The following HLCS variants were observed in gnomAD, a reference collection of about 807,000 sequenced individuals.
HLCS encodes the protein holocarboxylase synthetase.
HLCS carries 53 observed loss-of-function variants against 75.0 expected under a neutral mutation model. The ratio of observed to expected loss-of-function variants is 0.71; its 90% CI spans 0.57 to 0.89. The LOEUF is 0.89. HLCS is among the 40% of genes least tolerant of loss of function. The pLI, the probability that HLCS is intolerant of heterozygous loss-of-function variation, is 0.00. For missense variants in HLCS, 966 were observed against 1,074.0 expected, an observed-to-expected ratio of 0.90 and a Z score of 1.41; for synonymous variants, 431 against 428.6, an observed-to-expected ratio of 1.01 and a Z score of -0.07.
At chr21:36,764,917 A>G in intron 8 of HLCS, 95 bp downstream of exon 8, 2 of 1,374,516 alleles carry the variant, frequency 1.5e-6, no homozygotes, top group African/African-American at 1.4e-5. Flanking sequence ...CTGAGGTTCT[A>G]CAGCCACCAA....
chr21:36,938,369 AT>A (rs750125485), intron 3 of HLCS, among the ~76,000 whole-genome samples: 3 of 152,254 alleles, frequency 2.0e-5, no homozygotes, highest in Non-Finnish European at 2.9e-5. Context: ...CCCCAAAAAA[AT>A]CTTGACACAT....
chr21:36,838,476 C>G (rs999043192), intron 6 of HLCS, among the ~76,000 whole-genome samples: 1 of 152,074 alleles, frequency 6.6e-6, no homozygotes, highest in Admixed American at 6.5e-5. Context: ...GAGGCCGAGG[C>G]GGGCAGATCA....
chr21:36,811,008 A>G (rs1315526962), intron 6 of HLCS, among the ~76,000 whole-genome samples: 1 of 152,234 alleles, frequency 6.6e-6, no homozygotes, highest in Non-Finnish European at 1.5e-5. Flanking sequence ...GCTGATTGAG[A>G]GGAAAAGGAA....
rs540708521 is a variant in HLCS at position 36,842,254 on chromosome 21, C to A, written c.1892+54606G>T. On this transcript the variant is annotated intron_variant, in intron 6 of 10. Transcript: ENST00000674895. The surrounding 1 kb of genome is among the most constrained non-coding windows in gnomAD (Gnocchi z 4.2). ...ATAAAACCAGGCAAAACTAAGATAG[C>A]GTCAGAAATCAGGACAGTGTTCCCC... Among the ~76,000 whole-genome samples, 1 of 152,130 alleles carries A rather than the reference C, an allele frequency of 6.6e-6. No individual in the cohort carries two copies. The highest frequency in any genetic ancestry group is 6.5e-5 in the Admixed American group (1 of 15,284).
At chr21:36,856,395 C>G (rs2063194377) in intron 6 of HLCS, among the ~76,000 whole-genome samples, 1 of 152,160 alleles carries the variant, frequency 6.6e-6, no homozygotes, top group Non-Finnish European at 1.5e-5. Flanking sequence ...TATCAGAACA[C>G]TTCTGCTATT....
intron 6 of HLCS, among the ~76,000 whole-genome samples, chr21:36,817,882 G>C (rs2061710009): frequency 6.6e-6 from 1 of 152,134 alleles, no homozygotes. Flanking sequence ...TGTATTCTGC[G>C]AGATGTCCAA....
intron 6 of HLCS, among the ~76,000 whole-genome samples, chr21:36,892,943 T>G (rs1288602749): frequency 1.3e-5 from 2 of 152,162 alleles, no homozygotes; most frequent in African/African-American, 2.4e-5. Context: ...TCTTGTTCTA[T>G]CCAATAGTTT....
chr21:36,783,151 G>C (rs1456624614), intron 6 of HLCS, among the ~76,000 whole-genome samples: 2 of 152,126 alleles, frequency 1.3e-5, no homozygotes, highest in East Asian at 3.8e-4. Flanking sequence ...AGGTCACAGA[G>C]GCAAAGCTGC....
intron 6 of HLCS, among the ~76,000 whole-genome samples, chr21:36,864,542 TA>T (rs1026443049): frequency 3.9e-5 from 6 of 152,336 alleles, no homozygotes; most frequent in Admixed American, 2.0e-4. Context: ...ACAATAAAAA[TA>T]CACATCAAAA....
In HLCS at chr21:36,842,292, C is replaced by A. The variant is rs2062641455; in HGVS notation, c.1892+54568G>T. Among the ~76,000 whole-genome samples, 1 of 152,142 alleles carries A rather than the reference C, an allele frequency of 6.6e-6. No homozygotes were observed. Among genetic ancestry groups the A allele is most frequent in the Admixed American group, 6.5e-5 (1 of 15,272 alleles). On this transcript the variant is annotated intron_variant, in intron 6 of 10. Transcript: ENST00000674895. This position sits in a 1 kb window ranked among gnomAD's most constrained non-coding sequence, Gnocchi z 4.2. ...GACAGTGTTCCCCAAAGGGAGGATGCAGATGGGAAGGGACCTGAAGGTGCC... is the reference window on the plus strand; with the variant it reads ...GACAGTGTTCCCCAAAGGGAGGATGAAGATGGGAAGGGACCTGAAGGTGCC...
chr21:36,965,698 G>A (rs1410448163), intron 1 of HLCS, among the ~76,000 whole-genome samples: 1 of 151,910 alleles, frequency 6.6e-6, no homozygotes, highest in Non-Finnish European at 1.5e-5. Context: ...CTGACAAAAA[G>A]CTGATGACAC....
chr21:36,806,072 G>A (rs2061351212), intron 6 of HLCS: 2 of 152,184 alleles, frequency 1.3e-5, no homozygotes, highest in African/African-American at 2.4e-5. Flanking sequence ...TTTAAGGAGA[G>A]GGAAATTGCG....
intron 6 of HLCS, among the ~76,000 whole-genome samples, chr21:36,826,949 T>C (rs75031741): frequency 0.013 from 2,023 of 152,214 alleles, 36 homozygotes; most frequent in African/African-American, 0.046. Flanking sequence ...CTGAGCCTGA[T>C]TATAGGCAAA....
intron 2 of HLCS, among the ~76,000 whole-genome samples, chr21:36,951,838 A>G (rs1220802691): frequency 3.3e-5 from 5 of 152,262 alleles, no homozygotes; most frequent in Non-Finnish European, 5.9e-5. Context: ...TGAATCTGCC[A>G]TCACTTGTTG....
chr21:36,872,062 T>C (rs1278249005), intron 6 of HLCS, among the ~76,000 whole-genome samples: 1 of 152,224 alleles, frequency 6.6e-6, no homozygotes, highest in African/African-American at 2.4e-5. Context: ...TATCAACCTA[T>C]GCATCCAGCC....
At chr21:36,930,524 A>G in intron 4 of HLCS, 91 bp from the exon 5 acceptor site, 1 of 1,094,664 alleles carries the variant, frequency 9.1e-7, no homozygotes, top group Non-Finnish European at 1.3e-6. Flanking sequence ...TTTTTTTTAA[A>G]TTTAGAGACA....
At chr21:36,899,759 G>A (rs1273156488) in intron 5 of HLCS, among the ~76,000 whole-genome samples, 1 of 152,198 alleles carries the variant, frequency 6.6e-6, no homozygotes, top group Non-Finnish European at 1.5e-5. Flanking sequence ...AATGATCAAA[G>A]GGGTCAAAAT....
chr21:36,865,278 G>A (rs2063517555), intron 6 of HLCS, among the ~76,000 whole-genome samples: 2 of 152,052 alleles, frequency 1.3e-5, no homozygotes, highest in South Asian at 4.2e-4. Context: ...CCAGTTTAAA[G>A]GAATGGCTCT....
chr21:36,766,866 C>G lies in HLCS; in HGVS notation c.1960+352G>C, dbSNP rs535859203. 2.0e-5 allele frequency among the ~76,000 whole-genome samples: 3 copies of G among 152,286 alleles called. No individual in the cohort carries two copies. The South Asian group carries it at 6.2e-4, about 32-fold the overall frequency. ...TCCCACATGACGCTCAGTACAGACA[C>G]AGAAGGCTCCTTATGGAGAACCTTC... On this transcript the variant is annotated intron_variant, in intron 7 of 10. Coordinates refer to ENST00000674895, the MANE Select transcript of HLCS (RefSeq NM_001352514.2).
Sources: gnomAD v4.1 joint callset for allele counts (sites outside exome capture counted in the v4.1 genomes callset) on GRCh38, gnomAD v4.1.1 for gene constraint, Gnocchi (gnomAD v3.1) non-coding constraint, MANE v1.5 for transcripts, NCBI Gene and HGNC (gene_info 2026-07-23, HGNC 2026-07-21) for gene names.